Variants in SNTG1 observed in about 807,000 individuals in gnomAD.
The protein encoded by SNTG1 is syntrophin gamma 1.
In SNTG1, 39 loss-of-function variants were observed where a neutral mutation model predicts 74.7. That is an observed-to-expected ratio of 0.52 (90% confidence interval 0.40 to 0.68). The LOEUF (loss-of-function observed/expected upper bound fraction) is 0.68. Among genes scored for constraint, SNTG1 ranks in the 30% least tolerant of loss-of-function variants. The pLI is 0.00. For synonymous variants in SNTG1, 254 were observed against 217.1 expected (o/e 1.17, Z -1.49); for missense variants, 685 against 609.5 (o/e 1.12, Z -1.30).
chr8:50,570,440 G>A (rs1489771086), intron 12 of SNTG1, among the ~76,000 whole-genome samples: 1 of 148,032 alleles, frequency 6.8e-6, no homozygotes, highest in Admixed American at 6.8e-5. Flanking sequence ...TCTATTTTTG[G>A]CAGAGACGGG....
intron 15 of SNTG1, among the ~76,000 whole-genome samples, chr8:50,683,090 G>A (rs539736656): frequency 2.6e-5 from 4 of 152,204 alleles, no homozygotes; most frequent in South Asian, 4.1e-4. Context: ...AAAGCTCCAC[G>A]AGGGAGAGAT....
At chr8:50,269,666 G>T (rs1021937567) in intron 2 of SNTG1, among the ~76,000 whole-genome samples, 3 of 152,138 alleles carry the variant, frequency 2.0e-5, no homozygotes, top group Non-Finnish European at 4.4e-5. Context: ...GTATATTTAT[G>T]TGTAAACTTT....
intron 12 of SNTG1, among the ~76,000 whole-genome samples, chr8:50,583,153 A>T (rs2094622246): frequency 6.6e-6 from 1 of 152,120 alleles, no homozygotes; most frequent in South Asian, 2.1e-4. Context: ...TGTAATCTTA[A>T]GTACTTTGGG....
chr8:49,928,244 T>G (rs1807223247), intron 1 of SNTG1, among the ~76,000 whole-genome samples: 1 of 151,786 alleles, frequency 6.6e-6, no homozygotes. Context: ...TTCTTTTTTT[T>G]TGAGACAGAG....
chr8:49,986,034 A>G (rs1813122577), intron 1 of SNTG1, among the ~76,000 whole-genome samples: 1 of 152,248 alleles, frequency 6.6e-6, no homozygotes, highest in Non-Finnish European at 1.5e-5. Flanking sequence ...TAAAAGAATT[A>G]GGTTCATTTG....
intron 2 of SNTG1, among the ~76,000 whole-genome samples, chr8:50,360,083 C>T (rs1311077832): frequency 1.3e-5 from 2 of 151,960 alleles, no homozygotes; most frequent in African/African-American, 2.4e-5. Flanking sequence ...GGATAATCAA[C>T]ACCTCTTATT....
At chr8:50,453,997 A>G (rs1357414829) in intron 8 of SNTG1, among the ~76,000 whole-genome samples, 1 of 152,116 alleles carries the variant, frequency 6.6e-6, no homozygotes, top group African/African-American at 2.4e-5. Context: ...TTTATTTTCC[A>G]TGTGAACACG....
At chr8:50,647,768 A>C (rs1361498702) in intron 13 of SNTG1, among the ~76,000 whole-genome samples, 2 of 152,192 alleles carry the variant, frequency 1.3e-5, no homozygotes, top group Non-Finnish European at 2.9e-5. Context: ...CAAATTATTT[A>C]TCTTAAAATG....
At chr8:50,418,632 G>C (rs1229050248) in intron 4 of SNTG1, among the ~76,000 whole-genome samples, 1 of 152,082 alleles carries the variant, frequency 6.6e-6, no homozygotes, top group African/African-American at 2.4e-5. Flanking sequence ...AATATCTGCA[G>C]TTGGAGGTCC....
chr8:50,574,967 T>C (rs940429079), intron 12 of SNTG1, among the ~76,000 whole-genome samples: 1 of 152,216 alleles, frequency 6.6e-6, no homozygotes, highest in Non-Finnish European at 1.5e-5. Flanking sequence ...ATTAATGGTT[T>C]TAATCTATTG....
intron 2 of SNTG1, among the ~76,000 whole-genome samples, chr8:50,342,238 A>G (rs956895877): frequency 1.3e-5 from 2 of 152,148 alleles, no homozygotes; most frequent in African/African-American, 4.8e-5. Context: ...CCCTTTTAAC[A>G]TTACAGATGC....
intron 1 of SNTG1, among the ~76,000 whole-genome samples, chr8:49,972,493 A>C (rs936257180): frequency 3.5e-4 from 54 of 152,354 alleles, no homozygotes; most frequent in African/African-American, 1.3e-3. Context: ...AAGCAATGGC[A>C]ACAAAAGCCA....
intron 2 of SNTG1, among the ~76,000 whole-genome samples, chr8:50,281,335 T>C (rs2088439751): frequency 6.6e-6 from 1 of 152,162 alleles, no homozygotes; most frequent in African/African-American, 2.4e-5. Context: ...TGAGCTAACG[T>C]TTCAGGTTTC....
chr8:50,507,838 C>G (rs2129837643), intron 9 of SNTG1, among the ~76,000 whole-genome samples: 1 of 151,754 alleles, frequency 6.6e-6, no homozygotes, highest in Admixed American at 6.6e-5. Flanking sequence ...TTCCCCCTCC[C>G]CACACCCCCA....
At chr8:49,969,366 A>G (rs953111032) in intron 1 of SNTG1, among the ~76,000 whole-genome samples, 6 of 151,304 alleles carry the variant, frequency 4.0e-5, no homozygotes, top group African/African-American at 1.5e-4. Flanking sequence ...AAAAGCAAAT[A>G]CACATTTTAA....
At chr8:50,366,982 T>C (rs1400061867) in intron 2 of SNTG1, among the ~76,000 whole-genome samples, 1 of 150,254 alleles carries the variant, frequency 6.7e-6, no homozygotes, top group Non-Finnish European at 1.5e-5. Context: ...AGTAGTAAAA[T>C]ACAGATTTAA....
intron 2 of SNTG1, among the ~76,000 whole-genome samples, chr8:50,259,934 G>A (rs995111566): frequency 4.7e-4 from 71 of 152,136 alleles, no homozygotes; most frequent in African/African-American, 1.4e-3. Flanking sequence ...TGGTGGATGA[G>A]TATTAATAGT....
chr8:50,470,181 C>T (rs1437930667), intron 8 of SNTG1, among the ~76,000 whole-genome samples: 1 of 152,158 alleles, frequency 6.6e-6, no homozygotes, highest in African/African-American at 2.4e-5. Context: ...AAGTTCTCTA[C>T]AAAATAGAAT....
intron 13 of SNTG1, among the ~76,000 whole-genome samples, chr8:50,651,374 C>A (rs2095144779): frequency 6.6e-6 from 1 of 151,998 alleles, no homozygotes; most frequent in Non-Finnish European, 1.5e-5. Context: ...TATAAAAGCC[C>A]AAGGTTAGCC....
Sources: gnomAD v4.1 joint callset for allele counts (sites outside exome capture counted in the v4.1 genomes callset) on GRCh38, gnomAD v4.1.1 for gene constraint, MANE v1.5 for transcripts, NCBI Gene and HGNC (gene_info 2026-07-23, HGNC 2026-07-21) for gene names.